Variants in OR1J2 observed in about 807,000 individuals in gnomAD.
OR1J2 encodes olfactory receptor 1J2.
For synonymous variants in OR1J2, 142 were observed against 99.7 expected, an observed-to-expected ratio of 1.42 and a Z score of -2.52; for missense variants, 304 against 246.1, an observed-to-expected ratio of 1.24 and a Z score of -1.57.
the OR1J2 span, among the ~76,000 whole-genome samples, chr9:122,544,415 CTTTTTTTT>C: frequency 2.5e-4 from 21 of 85,342 alleles, no homozygotes; most frequent in East Asian, 2.3e-3. Flanking sequence ...CCTCTTTTTT[CTTTTTTTT>C]TTTTTTTTTT....
the OR1J2 span, among the ~76,000 whole-genome samples, chr9:122,540,865 T>G: frequency 6.6e-6 from 1 of 152,168 alleles, no homozygotes; most frequent in Non-Finnish European, 1.5e-5. Flanking sequence ...GGTATTTTAT[T>G]CTCTTTGAAG....
At chr9:122,530,484 T>C in the OR1J2 span, among the ~76,000 whole-genome samples, 1 of 152,228 alleles carries the variant, frequency 6.6e-6, no homozygotes, top group Non-Finnish European at 1.5e-5. Context: ...ACTCTCATAA[T>C]TGCCCAATTT....
the OR1J2 span, among the ~76,000 whole-genome samples, chr9:122,555,206 G>A: frequency 1.4e-4 from 22 of 151,990 alleles, no homozygotes; most frequent in African/African-American, 5.1e-4. Context: ...AAGTTCATCC[G>A]GGGCCAAATT....
the OR1J2 span, among the ~76,000 whole-genome samples, chr9:122,543,970 T>A: frequency 5.9e-5 from 9 of 152,230 alleles, no homozygotes; most frequent in Admixed American, 3.3e-4. Context: ...TTGGTTATCA[T>A]AATCATAATT....
chr9:122,534,966 A>G, the OR1J2 span, among the ~76,000 whole-genome samples: 1 of 152,182 alleles, frequency 6.6e-6, no homozygotes, highest in Non-Finnish European at 1.5e-5. Context: ...GCGGCATTGT[A>G]GAATAAAATA....
the OR1J2 span, chr9:122,568,449 AC>A: frequency 6.2e-7 from 1 of 1,607,568 alleles, no homozygotes; most frequent in Non-Finnish European, 8.5e-7. Context: ...AAACTCGGAG[AC>A]ACTGCTGGTG....
the OR1J2 span, among the ~76,000 whole-genome samples, chr9:122,483,161 T>C: frequency 6.6e-6 from 1 of 152,192 alleles, no homozygotes; most frequent in Non-Finnish European, 1.5e-5. Context: ...GTTCATCGAT[T>C]TAAATCGTTC....
chr9:122,492,519 A>G, the OR1J2 span, among the ~76,000 whole-genome samples: 3 of 152,166 alleles, frequency 2.0e-5, no homozygotes, highest in Admixed American at 6.5e-5. Context: ...ATACCCAGTA[A>G]TAGGATTTCT....
At chr9:122,554,287 G>T in the OR1J2 span, 33 of 495,338 alleles carry the variant, frequency 6.7e-5, no homozygotes, top group Non-Finnish European at 9.3e-5. Flanking sequence ...AGTTAGGGAT[G>T]TAAAAAAAAA....
At chr9:122,540,938 A>T in the OR1J2 span, among the ~76,000 whole-genome samples, 4 of 151,908 alleles carry the variant, frequency 2.6e-5, no homozygotes, top group African/African-American at 7.3e-5. Flanking sequence ...GGTGTATAGG[A>T]ATGCTTGTGA....
At chr9:122,494,333 G>A in the OR1J2 span, among the ~76,000 whole-genome samples, 1 of 152,062 alleles carries the variant, frequency 6.6e-6, no homozygotes, top group Non-Finnish European at 1.5e-5. Flanking sequence ...CTTAAGTATA[G>A]TAGTAATTGT....
the OR1J2 span, among the ~76,000 whole-genome samples, chr9:122,518,834 G>A: frequency 6.6e-6 from 1 of 152,214 alleles, no homozygotes; most frequent in Non-Finnish European, 1.5e-5. Flanking sequence ...ATAAACAATG[G>A]AAATTGGAAA....
chr9:122,488,272 G>T, the OR1J2 span, among the ~76,000 whole-genome samples: 1 of 152,154 alleles, frequency 6.6e-6, no homozygotes, highest in African/African-American at 2.4e-5. Flanking sequence ...CAAGTAACTG[G>T]AATTACAGGT....
At chr9:122,526,834 C>T in the OR1J2 span, 2 of 1,614,104 alleles carry the variant, frequency 1.2e-6, no homozygotes, top group Non-Finnish European at 1.7e-6. Flanking sequence ...TGAGTCAGGG[C>T]AACGATATTG....
chr9:122,546,834 AAAT>A, the OR1J2 span, among the ~76,000 whole-genome samples: 2 of 152,242 alleles, frequency 1.3e-5, no homozygotes, highest in Non-Finnish European at 2.9e-5. Flanking sequence ...TTTAATGGAC[AAAT>A]AATAATTGTA....
chr9:122,492,059 CAT>C, the OR1J2 span, among the ~76,000 whole-genome samples: 5 of 152,168 alleles, frequency 3.3e-5, no homozygotes, highest in East Asian at 9.6e-4. Flanking sequence ...GTTACCTGGG[CAT>C]ATTGCATAAT....
chr9:122,511,631 T>C lies in OR1J2; in HGVS notation c.830T>C (p.Met277Thr), dbSNP rs1475521546. The C allele has an allele frequency of 1.3e-6, 1 of 781,094 alleles. No individual in the cohort carries two copies. The highest frequency in any genetic ancestry group is 2.4e-6 in the Non-Finnish European group (1 of 418,132). The allele number at this position is 781,094 out of a possible 1,614,324, so 48.4% of individuals were successfully genotyped here. The part of the protein sequence containing the change: ...SIDKDVIVAL[M>T]YTVVTPMLNP... ...GACAAGGATGTCATTGTGGCTCTCATGTACACGGTGGTCACACCCATGTTG... is the reference window on the plus strand; with the variant it reads ...GACAAGGATGTCATTGTGGCTCTCACGTACACGGTGGTCACACCCATGTTG... Residue 277 changes from methionine (M) to threonine (T), a missense_variant, in exon 1 of 1, where the codon ATG becomes ACG. Transcript: ENST00000335302.
At chr9:122,522,864 G>A in the OR1J2 span, among the ~76,000 whole-genome samples, 2 of 152,136 alleles carry the variant, frequency 1.3e-5, no homozygotes, top group African/African-American at 2.4e-5. Context: ...AGTACAAAAA[G>A]TGCCTTAACG....
At chr9:122,543,185 G>A in the OR1J2 span, among the ~76,000 whole-genome samples, 1 of 152,082 alleles carries the variant, frequency 6.6e-6, no homozygotes, top group South Asian at 2.1e-4. Flanking sequence ...AGCACTATAT[G>A]GGGATTCCGT....
Sources: gnomAD v4.1 joint callset for allele counts (sites outside exome capture counted in the v4.1 genomes callset) on GRCh38, gnomAD v4.1.1 for gene constraint, MANE v1.5 for transcripts, NCBI Gene and HGNC (gene_info 2026-07-23, HGNC 2026-07-21) for gene names.